Variants in PIK3CD observed in about 807,000 individuals in gnomAD.
The protein encoded by PIK3CD is phosphatidylinositol 4,5-bisphosphate 3-kinase catalytic subunit delta isoform.
PIK3CD carries 20 observed loss-of-function variants against 122.9 expected under a neutral mutation model. That is an observed-to-expected ratio of 0.16 (90% confidence interval 0.11 to 0.24). The LOEUF (loss-of-function observed/expected upper bound fraction) is 0.24, where lower values mean the gene tolerates loss of function less well. Among genes scored for constraint, PIK3CD ranks in the 10% least tolerant of loss-of-function variants. The pLI is 1.00. For synonymous variants in PIK3CD, 596 were observed against 593.4 expected (o/e 1.00, Z -0.06); for missense variants, 787 against 1,406.3 (o/e 0.56, Z 7.04).
At chr1:9,639,790 C>T in the PIK3CD span, among the ~76,000 whole-genome samples, 2 of 152,240 alleles carry the variant, frequency 1.3e-5, no homozygotes, top group East Asian at 1.9e-4. Flanking sequence ...AGTGCAGTGG[C>T]GCGATCGTGG....
At chr1:9,664,492 C>G (rs1570099955) in intron 1 of PIK3CD, among the ~76,000 whole-genome samples, 1 of 152,316 alleles carries the variant, frequency 6.6e-6, no homozygotes, top group African/African-American at 2.4e-5. Context: ...AAGCCCTGCA[C>G]AGATACAGGG....
chr1:9,715,473 C>A lies in PIK3CD; in HGVS notation c.142-68C>A. 7.0e-7 allele frequency: 1 copy of A among 1,420,564 alleles called. No homozygotes were observed. The highest frequency in any genetic ancestry group is 9.9e-7 in the Non-Finnish European group (1 of 1,015,100). 88.0% of individuals were successfully genotyped at this position (1,420,564 alleles called of 1,614,324 possible). A position where few individuals can be genotyped will look rare whatever the true frequency, so the allele number is the denominator to read the frequency against. ...CCAGGCTGGAGGCCAGCTCTCCACCCTCCCTCAGCCTCCCACCTCCCAGTG... is the reference window on the plus strand; with the variant it reads ...CCAGGCTGGAGGCCAGCTCTCCACCATCCCTCAGCCTCCCACCTCCCAGTG... On this transcript the variant is annotated intron_variant, in intron 3 of 23. Coordinates refer to ENST00000377346, the MANE Select transcript of PIK3CD (RefSeq NM_005026.5). The surrounding 1 kb of genome is among the most constrained non-coding windows in gnomAD (Gnocchi z 4.1).
At chr1:9,706,050 A>ATT (rs140912843) in intron 2 of PIK3CD, among the ~76,000 whole-genome samples, 6,809 of 84,970 alleles carry the variant, frequency 0.08, 202 homozygotes, top group African/African-American at 0.11. Context: ...ATTTATTGGA[A>ATT]TTTTTTTTTT....
rs1021238015 is a variant in PIK3CD, at chr1:9,718,590, C to G, written c.1021-104C>G. On this transcript the variant is annotated intron_variant, in intron 8 of 23. Transcript: ENST00000377346. This position sits in a 1 kb window ranked among gnomAD's most constrained non-coding sequence, Gnocchi z 7.2. ...CTTCCTTCGTGTGGGAAGTAGAGTT[C>G]AGACCCACCTGAGGACATTCAAGGG... The G allele has an allele frequency of 7.4e-6, 8 of 1,083,028 alleles. No homozygotes were observed. The highest frequency in any genetic ancestry group is 1.6e-5 in the African/African-American group (1 of 64,508). 67.1% of individuals were successfully genotyped at this position (1,083,028 alleles called of 1,614,324 possible).
chr1:9,627,377 C>T, the PIK3CD span, among the ~76,000 whole-genome samples: 1 of 152,248 alleles, frequency 6.6e-6, no homozygotes. Context: ...GCTTCACACC[C>T]GCGGAGATGG....
chr1:9,628,747 A>G, the PIK3CD span, among the ~76,000 whole-genome samples: 52 of 152,234 alleles, frequency 3.4e-4, no homozygotes, highest in African/African-American at 1.2e-3. Flanking sequence ...GGGGATTTCC[A>G]GAGGCAGCTG....
chr1:9,716,655 C>G (rs1454379069), intron 6 of PIK3CD, 36 bp downstream of exon 6: 1 of 1,542,390 alleles, frequency 6.5e-7, no homozygotes, highest in Non-Finnish European at 8.8e-7. Context: ...TCTGGGCTCC[C>G]AACGCCCTGG....
In PIK3CD at chr1:9,710,702, C is replaced by T. The variant is rs745848836; in HGVS notation, c.141+106C>T. Reference sequence around the variant, plus strand: ...ACAGACAGATGGACAGGTGGACAGACGGACAGACAGATGGACAGATGCACT... The same window carrying T: ...ACAGACAGATGGACAGGTGGACAGATGGACAGACAGATGGACAGATGCACT... On this transcript the variant is annotated intron_variant, in intron 3 of 23. Coordinates refer to ENST00000377346, the MANE Select transcript of PIK3CD (RefSeq NM_005026.5). The surrounding 1 kb of genome is among the most constrained non-coding windows in gnomAD (Gnocchi z 4.7). 48 of 1,259,724 alleles carry T rather than the reference C, an allele frequency of 3.8e-5. No individual in the cohort carries two copies. The highest frequency in any genetic ancestry group is 1.4e-4 in the East Asian group (6 of 42,874). 78.0% of individuals were successfully genotyped at this position (1,259,724 alleles called of 1,614,324 possible).
chr1:9,659,972 A>G (rs754203520), intron 1 of PIK3CD, among the ~76,000 whole-genome samples: 2 of 152,084 alleles, frequency 1.3e-5, no homozygotes, highest in African/African-American at 2.4e-5. Context: ...CTGGAGTGCA[A>G]TGGCGCGATC....
At position 9,715,946 on chromosome 1, in the gene PIK3CD, G is replaced by C. The variant is rs1415749883; in HGVS notation, c.468G>C (p.Gln156His). The C allele has an allele frequency of 6.2e-7, 1 of 1,612,516 alleles. No homozygotes were observed. Among genetic ancestry groups the C allele is most frequent in the South Asian group, 1.1e-5 (1 of 91,058 alleles). Residue 156 changes from glutamine to histidine, a missense_variant, in exon 5 of 24, where the codon CAG becomes CAC. By Grantham distance (24) the Gln-to-His change is conservative. Coordinates refer to ENST00000377346, the MANE Select transcript of PIK3CD (RefSeq NM_005026.5). The surrounding 1 kb of genome is among the most constrained non-coding windows in gnomAD (Gnocchi z 4.1). ...FCEEAAARRQ[Q>H]LGWEAWLQYS... ...AGGAGGCGGCCGCCCGCCGGCAGCA[G>C]CTGGGCTGGGAGGCCTGGCTGCAGT...
At chr1:9,697,558 TAAAAA>T (rs200511192) in intron 2 of PIK3CD, among the ~76,000 whole-genome samples, 5 of 139,634 alleles carry the variant, frequency 3.6e-5, no homozygotes, top group African/African-American at 1.3e-4. Flanking sequence ...CATTATTATT[TAAAAA>T]AAAAAAAAAG....
chr1:9,696,590 A>T lies in PIK3CD; in HGVS notation c.-33+5019A>T, dbSNP rs571101651. ...AACATAGTGAGACCCCATCTCTACA[A>T]GAAATAAAAAGTTAGCTGGCGTGGT... On this transcript the variant is annotated intron_variant, in intron 2 of 23. Coordinates refer to ENST00000377346, the MANE Select transcript of PIK3CD (RefSeq NM_005026.5). 3.3e-5 allele frequency among the ~76,000 whole-genome samples: 5 copies of T among 151,568 alleles called. No homozygotes were observed. In the East Asian group the frequency reaches 7.8e-4, roughly 24 times the overall value.
At chr1:9,653,602 C>G (rs370035816) in intron 1 of PIK3CD, 13 of 392,224 alleles carry the variant, frequency 3.3e-5, no homozygotes, top group African/African-American at 2.7e-4. Context: ...TCTGTAACAC[C>G]CGCTGCTGCT....
intron 2 of PIK3CD, among the ~76,000 whole-genome samples, chr1:9,695,910 GAATT>G (rs966251342): frequency 4.0e-4 from 60 of 149,356 alleles, no homozygotes; most frequent in Non-Finnish European, 7.1e-4. Context: ...AAATTTCTGA[GAATT>G]AATTAATTCT....
In PIK3CD at chr1:9,725,147, T is replaced by G. The variant is rs536038107; in HGVS notation, c.2997+211T>G. Reference sequence around the variant, plus strand: ...TTGAGCCGCCCAGGCATGGTTCCACTCAGTGGCAGATGTGTAGTGACCTCT... The same window carrying G: ...TTGAGCCGCCCAGGCATGGTTCCACGCAGTGGCAGATGTGTAGTGACCTCT... On this transcript the variant is annotated intron_variant, in intron 23 of 23. Transcript: ENST00000377346. 2.1e-4 allele frequency among the ~76,000 whole-genome samples: 32 copies of G among 152,310 alleles called. No homozygotes were observed. The South Asian group carries it at 4.4e-3, about 21-fold the overall frequency.
intron 2 of PIK3CD, among the ~76,000 whole-genome samples, chr1:9,707,423 T>G (rs1646881268): frequency 6.6e-6 from 1 of 151,674 alleles, no homozygotes; most frequent in Non-Finnish European, 1.5e-5. Context: ...ATAGGTAAAC[T>G]TGTGTCGTGG....
intron 1 of PIK3CD, among the ~76,000 whole-genome samples, chr1:9,684,536 CAAA>C (rs887585173): frequency 1.5e-5 from 1 of 67,278 alleles, no homozygotes; most frequent in Admixed American, 1.8e-4. Context: ...GACTCCGTCT[CAAA>C]AAAAAAAAAA....
At chr1:9,725,014 C>A (rs1239017343) in intron 23 of PIK3CD, 78 bp downstream of exon 23, 3 of 1,548,292 alleles carry the variant, frequency 1.9e-6, no homozygotes, top group Non-Finnish European at 2.6e-6. Context: ...TAGGAGGGCC[C>A]TGAATGCAGT....
chr1:9,686,113 T>C (rs1399938905), intron 1 of PIK3CD, among the ~76,000 whole-genome samples: 1 of 152,180 alleles, frequency 6.6e-6, no homozygotes, highest in African/African-American at 2.4e-5. Context: ...GCAAATACTC[T>C]TCCATCTTCT....
Sources: gnomAD v4.1 joint callset for allele counts (sites outside exome capture counted in the v4.1 genomes callset) on GRCh38, gnomAD v4.1.1 for gene constraint, Gnocchi (gnomAD v3.1) non-coding constraint, MANE v1.5 for transcripts, NCBI Gene and HGNC (gene_info 2026-07-23, HGNC 2026-07-21) for gene names.